LIPI: variants seen among roughly 807,000 people sequenced by gnomAD.
LIPI encodes the protein lipase I, also known as lipase member I.
Under a neutral mutation model 50.6 loss-of-function variants are expected in LIPI, and 59 were observed. The ratio of observed to expected loss-of-function variants is 1.16; its 90% CI spans 0.94 to 1.45. The LOEUF is 1.45. LIPI is among the 40% of genes most tolerant of loss of function. The probability of loss-of-function intolerance (pLI) is 0.00; values close to 1 mark genes in which losing one functional copy is unlikely to be tolerated. For missense variants in LIPI, 586 were observed against 536.3 expected (o/e 1.09, Z -0.92); for synonymous variants, 203 against 178.2 (o/e 1.14, Z -1.11).
At chr21:14,127,400 G>C (rs189287692) in intron 9 of LIPI, among the ~76,000 whole-genome samples, 1 of 152,162 alleles carries the variant, frequency 6.6e-6, no homozygotes, top group African/African-American at 2.4e-5. Context: ...AATGTAGAGA[G>C]TTTTGCTCAA....
At chr21:14,198,728 T>G (rs2019948119) in intron 1 of LIPI, among the ~76,000 whole-genome samples, 1 of 152,014 alleles carries the variant, frequency 6.6e-6, no homozygotes, top group Non-Finnish European at 1.5e-5. Context: ...AGAAAATTAA[T>G]AAAGATATTT....
At chr21:14,136,238 A>G (rs1252786681) in intron 9 of LIPI, among the ~76,000 whole-genome samples, 1 of 152,132 alleles carries the variant, frequency 6.6e-6, no homozygotes, top group Non-Finnish European at 1.5e-5. Flanking sequence ...AAACTGCTAC[A>G]GGAGGGTAGA....
chr21:14,113,610 G>A (rs1396915264), intron 9 of LIPI, among the ~76,000 whole-genome samples: 2 of 151,282 alleles, frequency 1.3e-5, no homozygotes, highest in Non-Finnish European at 2.9e-5. Flanking sequence ...AATCCTCAGA[G>A]GAGAAGTAGT....
intron 8 of LIPI, among the ~76,000 whole-genome samples, chr21:14,147,944 C>T (rs6516633): frequency 0.85 from 129,479 of 152,142 alleles, 55,618 homozygotes; most frequent in East Asian, 0.97. Context: ...TCCTATCTCA[C>T]GTCTTGCTCC....
chr21:14,119,015 G>C (rs57346421), intron 9 of LIPI, among the ~76,000 whole-genome samples: 1,811 of 152,296 alleles, frequency 0.012, 35 homozygotes, highest in African/African-American at 0.041. Context: ...TAACCTGTAC[G>C]CTATGCTTGC....
intron 4 of LIPI, among the ~76,000 whole-genome samples, chr21:14,176,693 A>T (rs2403757): frequency 0.037 from 5,501 of 148,094 alleles, 218 homozygotes; most frequent in East Asian, 0.23. Flanking sequence ...TTTTTTTCAG[A>T]TACAAACATT....
rs139946169 is a variant in LIPI at position 14,169,143 on chromosome 21, A to T, written c.644-2692T>A. ...GCCATTACATAATGGTAAAGGGATC[A>T]ATTCAACAAGAAGAGCTAACTATCC... is the stretch of plus-strand genomic sequence containing the variant. On this transcript the variant is annotated intron_variant, in intron 4 of 9. Transcript: ENST00000681601. Among the ~76,000 whole-genome samples the T allele has an allele frequency of 3.6e-3, 544 of 152,344 alleles. 3 individuals carry two copies. The highest frequency in any genetic ancestry group is 4.9e-3 in the Non-Finnish European group (331 of 68,038).
chr21:14,114,801 G>T (rs2016559377), intron 9 of LIPI, among the ~76,000 whole-genome samples: 1 of 152,122 alleles, frequency 6.6e-6, no homozygotes, highest in South Asian at 2.1e-4. Context: ...GAAGTATGAA[G>T]AAAATTACAG....
At chr21:14,157,569 G>A (rs1053230981) in intron 7 of LIPI, among the ~76,000 whole-genome samples, 1 of 151,608 alleles carries the variant, frequency 6.6e-6, no homozygotes, top group African/African-American at 2.4e-5. Context: ...AAGCAACAGA[G>A]TATAAAATGA....
At chr21:14,185,300 G>A (rs1462358583) in intron 3 of LIPI, among the ~76,000 whole-genome samples, 2 of 152,138 alleles carry the variant, frequency 1.3e-5, no homozygotes, top group African/African-American at 4.8e-5. Flanking sequence ...ATCAAAGTTT[G>A]TGATAACTAA....
intron 4 of LIPI, among the ~76,000 whole-genome samples, chr21:14,178,044 C>G (rs552870325): frequency 2.0e-5 from 3 of 152,116 alleles, no homozygotes; most frequent in Non-Finnish European, 4.4e-5. Context: ...TTCCTATATT[C>G]CATTGTTTCT....
chr21:14,177,002 G>T (rs1191502496), intron 4 of LIPI, among the ~76,000 whole-genome samples: 1 of 151,986 alleles, frequency 6.6e-6, no homozygotes, highest in Non-Finnish European at 1.5e-5. Flanking sequence ...TGTAAATTCT[G>T]CAGTTCTCAG....
chr21:14,174,677 C>G (rs2019034320), intron 4 of LIPI, among the ~76,000 whole-genome samples: 1 of 152,140 alleles, frequency 6.6e-6, no homozygotes, highest in South Asian at 2.1e-4. Context: ...CCTCAGCCTC[C>G]CAAGTAGCTG....
At chr21:14,170,847 G>A (rs2018871949) in intron 4 of LIPI, among the ~76,000 whole-genome samples, 1 of 151,530 alleles carries the variant, frequency 6.6e-6, no homozygotes, top group Non-Finnish European at 1.5e-5. Context: ...TCAACATAGT[G>A]TTGGAAGTTC....
intron 1 of LIPI, among the ~76,000 whole-genome samples, chr21:14,205,383 G>T (rs913395857): frequency 6.6e-6 from 1 of 151,720 alleles, no homozygotes; most frequent in African/African-American, 2.4e-5. Flanking sequence ...CAGAAAGCAC[G>T]TATTATGTAA....
At chr21:14,193,965 T>A (rs914610250) in intron 1 of LIPI, among the ~76,000 whole-genome samples, 3 of 152,048 alleles carry the variant, frequency 2.0e-5, no homozygotes, top group Admixed American at 2.0e-4. Context: ...ACAACCCAAT[T>A]AAAACTGGGC....
intron 7 of LIPI, among the ~76,000 whole-genome samples, chr21:14,161,356 A>G (rs13048136): frequency 0.73 from 103,695 of 142,108 alleles, 38,045 homozygotes; most frequent in Middle Eastern, 0.88. Flanking sequence ...AATATATAGT[A>G]ATATAGGTAA....
intron 4 of LIPI, among the ~76,000 whole-genome samples, chr21:14,171,215 A>G (rs1435514452): frequency 1.3e-5 from 2 of 151,008 alleles, no homozygotes; most frequent in East Asian, 3.9e-4. Context: ...GAAATAAAAG[A>G]GGATACAAAC....
At chr21:14,130,861 C>G (rs972344112) in intron 9 of LIPI, among the ~76,000 whole-genome samples, 2 of 152,230 alleles carry the variant, frequency 1.3e-5, no homozygotes, top group African/African-American at 4.8e-5. Context: ...CATTGCTCCA[C>G]CACCACTCAT....
Sources: gnomAD v4.1 joint callset for allele counts (sites outside exome capture counted in the v4.1 genomes callset) on GRCh38, gnomAD v4.1.1 for gene constraint, MANE v1.5 for transcripts, NCBI Gene and HGNC (gene_info 2026-07-23, HGNC 2026-07-21) for gene names.